Variants in PROS1 observed in about 807,000 individuals in gnomAD.
PROS1 encodes protein S, also known as vitamin K-dependent protein S.
A neutral mutation model predicts 75.9 loss-of-function variants in PROS1; 29 were observed. The observed-to-expected ratio is 0.38, with a 90% CI of 0.28 to 0.52. The LOEUF is 0.52. PROS1 is among the 20% of genes least tolerant of loss of function. The pLI, the probability that PROS1 is intolerant of heterozygous loss-of-function variation, is 0.83. For synonymous variants in PROS1, 245 were observed against 280.6 expected, an observed-to-expected ratio of 0.87 and a Z score of 1.27; for missense variants, 680 against 810.3, an observed-to-expected ratio of 0.84 and a Z score of 1.95.
chr3:93,938,433 G>A (rs558750069), intron 1 of PROS1, among the ~76,000 whole-genome samples: 12 of 152,180 alleles, frequency 7.9e-5, no homozygotes, highest in African/African-American at 2.4e-4. Flanking sequence ...TCACACGGAC[G>A]CACATGACAT....
chr3:93,938,236 C>A (rs1297153790), intron 1 of PROS1, among the ~76,000 whole-genome samples: 2 of 152,158 alleles, frequency 1.3e-5, no homozygotes, highest in Admixed American at 6.5e-5. Flanking sequence ...CATTGAGCAC[C>A]TTGTAACCCC....
rs376697079 is a variant in PROS1 at position 93,944,188 on chromosome 3, C to A, written c.77-16781G>T. ...ATTTAGAAGAAAGACTAACACGAAA[C>A]CAGATAAATACATAAAACAGCAGAA... On this transcript the variant is annotated intron_variant, in intron 1 of 14. Coordinates refer to ENST00000394236, the MANE Select transcript of PROS1 (RefSeq NM_000313.4). Among the ~76,000 whole-genome samples, 5 of 152,134 alleles carry A rather than the reference C, an allele frequency of 3.3e-5. No homozygotes were observed. In the East Asian group the frequency reaches 9.7e-4, roughly 29 times the overall value.
intron 3 of PROS1, among the ~76,000 whole-genome samples, chr3:93,912,231 A>G (rs548117091): frequency 6.6e-6 from 1 of 152,076 alleles, no homozygotes. Context: ...TTGTATGTCT[A>G]CCAGTTCTTG....
intron 1 of PROS1, among the ~76,000 whole-genome samples, chr3:93,937,408 C>A (rs1709200970): frequency 6.6e-6 from 1 of 151,244 alleles, no homozygotes; most frequent in Admixed American, 6.6e-5. Flanking sequence ...CACTCTGTCG[C>A]CCAGGCTGGA....
In PROS1 at chr3:93,963,653, G is replaced by A. The variant is rs374551551; in HGVS notation, c.76+10021C>T. On this transcript the variant is annotated intron_variant, in intron 1 of 14. Coordinates refer to ENST00000394236, the MANE Select transcript of PROS1 (RefSeq NM_000313.4). ...AGGAAGCTTCCAATCATGGTAGAAG[G>A]CAAAAGGGGAGCAGTGGATCACATG... Among the ~76,000 whole-genome samples the A allele has an allele frequency of 4.3e-4, 65 of 152,202 alleles. No individual in the cohort carries two copies. The South Asian group carries it at 0.013, about 31-fold the overall frequency.
At chr3:93,967,099 T>G (rs1709803206) in intron 1 of PROS1, among the ~76,000 whole-genome samples, 1 of 152,230 alleles carries the variant, frequency 6.6e-6, no homozygotes, top group Non-Finnish European at 1.5e-5. Flanking sequence ...TTGGCCACAC[T>G]GGATCTGCCA....
intron 1 of PROS1, among the ~76,000 whole-genome samples, chr3:93,956,500 C>G (rs1709601289): frequency 6.7e-6 from 1 of 149,536 alleles, no homozygotes; most frequent in African/African-American, 2.5e-5. Context: ...CTCTCTGTCT[C>G]TCTCTCTCTC....
At chr3:93,970,890 C>T (rs1225060681) in intron 1 of PROS1, among the ~76,000 whole-genome samples, 1 of 152,136 alleles carries the variant, frequency 6.6e-6, no homozygotes, top group Non-Finnish European at 1.5e-5. Context: ...GTCCCAGACA[C>T]TCAGAAGGCT....
intron 3 of PROS1, among the ~76,000 whole-genome samples, chr3:93,920,037 A>C (rs1386214034): frequency 6.6e-6 from 1 of 152,120 alleles, no homozygotes; most frequent in Non-Finnish European, 1.5e-5. Context: ...TTCCTCAGTT[A>C]AATTTTAAAA....
At chr3:93,938,228 T>C (rs1200898320) in intron 1 of PROS1, among the ~76,000 whole-genome samples, 4 of 152,084 alleles carry the variant, frequency 2.6e-5, no homozygotes, top group Non-Finnish European at 4.4e-5. Flanking sequence ...AGCTCCCCCA[T>C]TGAGCACCTT....
chr3:93,915,920 G>C (rs1175993933), intron 3 of PROS1, among the ~76,000 whole-genome samples: 1 of 151,984 alleles, frequency 6.6e-6, no homozygotes, highest in Non-Finnish European at 1.5e-5. Flanking sequence ...TCAGGTATTT[G>C]TTATAGCAGC....
At chr3:93,910,757 CT>C in intron 3 of PROS1, 52 bp from the exon 4 acceptor site, 1 of 1,437,434 alleles carries the variant, frequency 7.0e-7, no homozygotes, top group Non-Finnish European at 9.7e-7. Context: ...CATACTTGAT[CT>C]GAATTCATGG....
At chr3:93,941,928 C>A (rs570441813) in intron 1 of PROS1, among the ~76,000 whole-genome samples, 4 of 152,242 alleles carry the variant, frequency 2.6e-5, no homozygotes, top group East Asian at 1.9e-4. Context: ...CTATACTCAC[C>A]CTTTGTTGAG....
chr3:93,894,414 T>C (rs2107152193), intron 9 of PROS1, among the ~76,000 whole-genome samples: 1 of 152,312 alleles, frequency 6.6e-6, no homozygotes. Flanking sequence ...ACTTCTATGC[T>C]CTTTCATAAT....
At chr3:93,884,440 T>A (rs2107136784) in intron 12 of PROS1, among the ~76,000 whole-genome samples, 1 of 152,224 alleles carries the variant, frequency 6.6e-6, no homozygotes, top group East Asian at 1.9e-4. Context: ...TCCATACAAG[T>A]GAGAAATCAG....
At chr3:93,911,292 G>C (rs904267338) in intron 3 of PROS1, 1 of 152,976 alleles carries the variant, frequency 6.5e-6, no homozygotes, top group Non-Finnish European at 1.5e-5. Context: ...AGGAAACTAA[G>C]AAATAACAGC....
intron 1 of PROS1, among the ~76,000 whole-genome samples, chr3:93,956,486 TTC>T (rs374104148): frequency 5.3e-4 from 77 of 146,554 alleles, no homozygotes; most frequent in African/African-American, 1.9e-3. Context: ...AACAGACTGA[TTC>T]TCTCTCTGTC....
intron 1 of PROS1, among the ~76,000 whole-genome samples, chr3:93,969,122 CTTTTTTTTTTTT>C (rs773990991): frequency 1.7e-5 from 2 of 114,336 alleles, no homozygotes; most frequent in African/African-American, 6.5e-5. Flanking sequence ...CTTTTGTTTT[CTTTTTTTTTTTT>C]TTTTTTTGCA....
intron 8 of PROS1, among the ~76,000 whole-genome samples, chr3:93,897,894 G>C (rs540130007): frequency 2.6e-5 from 4 of 152,140 alleles, no homozygotes; most frequent in Middle Eastern, 3.4e-3. Flanking sequence ...GCAAGTTTGA[G>C]AGACACAGAT....
Sources: allele counts gnomAD v4.1 joint callset (sites outside exome capture counted in the v4.1 genomes callset), GRCh38; gene constraint gnomAD v4.1.1; transcripts MANE v1.5; gene names NCBI Gene and HGNC (gene_info 2026-07-23, HGNC 2026-07-21).